Variants in EXOC4 observed in about 807,000 individuals in gnomAD.
EXOC4 encodes the protein exocyst complex component 4, also known as SEC8-like 1.
A neutral mutation model predicts 107.2 loss-of-function variants in EXOC4; 71 were observed. The ratio of observed to expected loss-of-function variants is 0.66; its 90% confidence interval spans 0.55 to 0.81. The LOEUF is 0.81. Ranked by LOEUF, EXOC4 falls within the 30% of genes least tolerant of loss-of-function variation. The probability of loss-of-function intolerance (pLI) is 0.00; values close to 1 mark genes in which losing one functional copy is unlikely to be tolerated. For missense variants in EXOC4, 1,108 were observed against 1,189.6 expected, an observed-to-expected ratio of 0.93 and a Z score of 1.01; for synonymous variants, 456 against 441.2, an observed-to-expected ratio of 1.03 and a Z score of -0.42.
chr7:133,857,989 G>A (rs879154953), intron 11 of EXOC4, among the ~76,000 whole-genome samples: 15 of 152,142 alleles, frequency 9.9e-5, no homozygotes, highest in Non-Finnish European at 1.6e-4. Flanking sequence ...CAACACCAGC[G>A]GAGGGCAGGA....
intron 10 of EXOC4, among the ~76,000 whole-genome samples, chr7:133,775,510 C>A (rs79998816): frequency 0.015 from 2,241 of 152,226 alleles, 64 homozygotes; most frequent in African/African-American, 0.051. Flanking sequence ...ATAAAGTTAG[C>A]AAGAGGATAA....
intron 11 of EXOC4, among the ~76,000 whole-genome samples, chr7:133,883,559 C>G (rs1799013265): frequency 6.6e-6 from 1 of 151,712 alleles, no homozygotes; most frequent in Non-Finnish European, 1.5e-5. Context: ...GGGAGGATTG[C>G]CTGAGCCCAG....
At chr7:133,302,631 A>T (rs1794665192) in intron 3 of EXOC4, among the ~76,000 whole-genome samples, 1 of 152,200 alleles carries the variant, frequency 6.6e-6, no homozygotes, top group South Asian at 2.1e-4. Flanking sequence ...AATTCACTGT[A>T]CTGTGGATGT....
At chr7:133,990,063 T>G (rs984751861) in intron 14 of EXOC4, among the ~76,000 whole-genome samples, 1 of 152,206 alleles carries the variant, frequency 6.6e-6, no homozygotes, top group African/African-American at 2.4e-5. Flanking sequence ...ATGTATACAA[T>G]GTATAATGAT....
intron 3 of EXOC4, among the ~76,000 whole-genome samples, chr7:133,296,627 T>G (rs554255902): frequency 3.3e-5 from 5 of 152,084 alleles, no homozygotes; most frequent in Admixed American, 2.6e-4. Context: ...TTATATTTGT[T>G]TTTGAAGGCT....
intron 10 of EXOC4, among the ~76,000 whole-genome samples, chr7:133,747,335 G>A (rs1795697525): frequency 6.6e-6 from 1 of 152,130 alleles, no homozygotes; most frequent in African/African-American, 2.4e-5. Context: ...TGAAAGTAAT[G>A]TAGTCCAGAA....
downstream of EXOC4, among the ~76,000 whole-genome samples, chr7:134,067,632 TATATATACACACAC>T (rs1276502091): frequency 2.2e-4 from 22 of 98,538 alleles, no homozygotes; most frequent in African/African-American, 7.2e-4. Context: ...CTCTTATATA[TATATATACACACAC>T]ACACACACAC....
intron 10 of EXOC4, among the ~76,000 whole-genome samples, chr7:133,653,333 A>G (rs954825723): frequency 6.6e-6 from 1 of 152,218 alleles, no homozygotes; most frequent in Non-Finnish European, 1.5e-5. Flanking sequence ...TTGCCATGAT[A>G]AAATGCTCTC....
chr7:133,484,217 T>C (rs966207737), intron 9 of EXOC4: 2 of 1,459,558 alleles, frequency 1.4e-6, no homozygotes, highest in African/African-American at 1.4e-5. Flanking sequence ...TTTGGTGTTA[T>C]CAATGCATCT....
rs1431770670 is a variant in EXOC4 at position 133,255,162 on chromosome 7, A to ATTGCT, written c.86+1978_86+1982dup. On this transcript the variant is annotated intron_variant, in intron 1 of 17. Coordinates refer to ENST00000253861, the MANE Select transcript of EXOC4 (RefSeq NM_021807.4). ...TACTTTGATCTCTGTTGTGCATTAT[A>ATTGCT]TTGCTTTTCTTTTCTTTTCTTTTCT... 4.9e-5 allele frequency among the ~76,000 whole-genome samples: 7 copies of ATTGCT among 143,112 alleles called. No homozygotes were observed. In the South Asian group the frequency reaches 1.1e-3, roughly 23 times the overall value. The allele number at this position is 143,112 out of a possible 152,430, so 93.9% of individuals were successfully genotyped here.
At chr7:134,093,427 G>A in the EXOC4 span, among the ~76,000 whole-genome samples, 1 of 152,226 alleles carries the variant, frequency 6.6e-6, no homozygotes, top group East Asian at 1.9e-4. Context: ...ATTAAAACAA[G>A]TACTTATAGA....
At chr7:133,904,759 G>A (rs1231777253) in intron 12 of EXOC4, among the ~76,000 whole-genome samples, 1 of 152,214 alleles carries the variant, frequency 6.6e-6, no homozygotes, top group Non-Finnish European at 1.5e-5. Flanking sequence ...CACACTCAAA[G>A]GCACAACACA....
intron 9 of EXOC4, among the ~76,000 whole-genome samples, chr7:133,517,910 C>A (rs1482960733): frequency 6.6e-6 from 1 of 152,024 alleles, no homozygotes; most frequent in African/African-American, 2.4e-5. Flanking sequence ...TCACCCCATA[C>A]TTAGTGGATT....
intron 9 of EXOC4, among the ~76,000 whole-genome samples, chr7:133,536,833 T>TAGGCAGCAGGAAGTAGATGGGGC (rs1563100352): frequency 2.0e-5 from 3 of 152,040 alleles, no homozygotes; most frequent in African/African-American, 4.8e-5. Context: ...ATCTACATAT[T>TAGGCAGCAGGAAGTAGATGGGGC]AGGCAGCAGG....
chr7:133,389,013 G>A (rs1796791929), intron 7 of EXOC4, among the ~76,000 whole-genome samples: 1 of 152,068 alleles, frequency 6.6e-6, no homozygotes, highest in African/African-American at 2.4e-5. Flanking sequence ...TGATTTTTGG[G>A]GACGTAATTA....
intron 17 of EXOC4, among the ~76,000 whole-genome samples, chr7:134,009,643 G>A (rs868515643): frequency 6.6e-6 from 1 of 152,068 alleles, no homozygotes; most frequent in African/African-American, 2.4e-5. Context: ...GCTCTTATGG[G>A]GAATGATCTC....
chr7:133,778,459 C>T (rs552284224), intron 10 of EXOC4, among the ~76,000 whole-genome samples: 2 of 152,280 alleles, frequency 1.3e-5, no homozygotes, highest in South Asian at 2.1e-4. Context: ...TGGCGTGTGC[C>T]TGCAGTCTCA....
At position 133,649,479 on chromosome 7, in the gene EXOC4, TTTTTTTA is replaced by T. The variant is rs1176766316; in HGVS notation, c.1514+19339_1514+19345del. Reference sequence around the variant, plus strand: ...ATTACTACTTTTTCTTTTTTTTTTTTTTTTTTAACCAGTAAAGATTATTTATAACTTT... The same window carrying T: ...ATTACTACTTTTTCTTTTTTTTTTTTACCAGTAAAGATTATTTATAACTTT... On this transcript the variant is annotated intron_variant, in intron 10 of 17. Transcript: ENST00000253861. 1.6e-3 allele frequency among the ~76,000 whole-genome samples: 188 copies of T among 116,904 alleles called. 4 individuals carry two copies. Among genetic ancestry groups the T allele is most frequent in the African/African-American group, 5.3e-3 (180 of 33,692 alleles). The allele number at this position is 116,904 out of a possible 152,430, so 76.7% of individuals were successfully genotyped here. A position where few individuals can be genotyped will look rare whatever the true frequency, so the allele number is the denominator to read the frequency against.
chr7:133,938,133 A>G, intron 14 of EXOC4, 64 bp downstream of exon 14: 2 of 1,539,070 alleles, frequency 1.3e-6, no homozygotes, highest in Non-Finnish European at 1.8e-6. Flanking sequence ...GCATTCATTG[A>G]AAGATGAGAG....
Sources: gnomAD v4.1 joint callset for allele counts (sites outside exome capture counted in the v4.1 genomes callset) on GRCh38, gnomAD v4.1.1 for gene constraint, MANE v1.5 for transcripts, NCBI Gene and HGNC (gene_info 2026-07-23, HGNC 2026-07-21) for gene names.